RGS17: variants seen among roughly 807,000 people sequenced by gnomAD.
The protein encoded by RGS17 is regulator of G protein signaling 17.
A neutral mutation model predicts 25.5 loss-of-function variants in RGS17; 12 were observed. The ratio of observed to expected loss-of-function variants is 0.47; its 90% CI spans 0.30 to 0.76. RGS17 has a LOEUF of 0.76. RGS17 is among the 30% of genes least tolerant of loss of function. RGS17 has a pLI of 0.07. For synonymous variants in RGS17, 71 were observed against 76.9 expected (o/e 0.92, Z 0.40); for missense variants, 196 against 242.2 (o/e 0.81, Z 1.27).
intron 1 of RGS17, among the ~76,000 whole-genome samples, chr6:153,099,822 A>C (rs1361230648): frequency 1.3e-5 from 2 of 152,178 alleles, no homozygotes; most frequent in Non-Finnish European, 2.9e-5. Context: ...GGTGAAGATT[A>C]AATAAGAAAA....
chr6:153,021,462 A>AT lies in RGS17; in HGVS notation c.444+2799dup, dbSNP rs1779247442. On this transcript the variant is annotated intron_variant, in intron 4 of 4. Transcript: ENST00000206262. The stretch of plus-strand genomic sequence containing the variant: ...GGAAAGTGCATGCCATGCGCTGAGT[A>AT]TATCAATGAGTCGAGTCAATGAACA... Among the ~76,000 whole-genome samples, 3 of 152,350 alleles carry AT rather than the reference A, an allele frequency of 2.0e-5. No individual in the cohort carries two copies. The South Asian group carries it at 6.2e-4, about 32-fold the overall frequency.
chr6:153,121,913 C>A (rs1484257445), intron 1 of RGS17, among the ~76,000 whole-genome samples: 1 of 152,112 alleles, frequency 6.6e-6, no homozygotes, highest in Non-Finnish European at 1.5e-5. Flanking sequence ...TACGAAACCC[C>A]ACTTGCATTA....
At chr6:153,114,687 A>G (rs1040336005) in intron 1 of RGS17, among the ~76,000 whole-genome samples, 1 of 152,214 alleles carries the variant, frequency 6.6e-6, no homozygotes, top group Non-Finnish European at 1.5e-5. Context: ...TCAATAAGAT[A>G]CTGGCAAACT....
At chr6:153,127,015 T>C (rs1382717874) in intron 1 of RGS17, among the ~76,000 whole-genome samples, 2 of 152,044 alleles carry the variant, frequency 1.3e-5, no homozygotes, top group African/African-American at 4.8e-5. Context: ...CGGATGGCAG[T>C]GGGGGTGGGG....
intron 1 of RGS17, among the ~76,000 whole-genome samples, chr6:153,068,388 A>G (rs1218434831): frequency 6.6e-6 from 1 of 152,200 alleles, no homozygotes; most frequent in Non-Finnish European, 1.5e-5. Flanking sequence ...CAGAGGTTGG[A>G]GTGAACCGAG....
intron 1 of RGS17, among the ~76,000 whole-genome samples, chr6:153,113,392 A>G (rs960926356): frequency 6.6e-6 from 1 of 152,226 alleles, no homozygotes; most frequent in Non-Finnish European, 1.5e-5. Context: ...TATCCTAAAT[A>G]CATATGCACC....
chr6:153,024,441 T>A lies in RGS17; in HGVS notation c.265A>T (p.Met89Leu). The A allele has an allele frequency of 6.2e-7, 1 of 1,614,200 alleles. No homozygotes were observed. Among genetic ancestry groups the A allele is most frequent in the Non-Finnish European group, 8.5e-7 (1 of 1,180,014 alleles). The change falls in exon 4 of 5, where the codon ATG becomes TTG. Residue 89 changes from methionine to leucine, a missense_variant. Transcript: ENST00000206262. ...AGGTTTCTTCCTGCTGGGGCCTTCA[T>A]CATCTTGTCAAAATTTTGAGACCAG... ...LSWSQNFDKM[M>L]KAPAGRNLFR... is the part of the protein sequence containing the mutation.
intron 1 of RGS17, among the ~76,000 whole-genome samples, chr6:153,118,426 C>T (rs184546053): frequency 1.1e-4 from 16 of 152,324 alleles, no homozygotes; most frequent in African/African-American, 3.8e-4. Flanking sequence ...GGGATATACT[C>T]CTCATAGAAT....
intron 1 of RGS17, among the ~76,000 whole-genome samples, chr6:153,103,602 G>A (rs1777337747): frequency 6.6e-6 from 1 of 152,164 alleles, no homozygotes; most frequent in African/African-American, 2.4e-5. Flanking sequence ...ACCAAACTGA[G>A]GCAAACACAC....
intron 1 of RGS17, among the ~76,000 whole-genome samples, chr6:153,128,468 T>C (rs1415075705): frequency 2.0e-5 from 3 of 152,122 alleles, no homozygotes; most frequent in Non-Finnish European, 2.9e-5. Flanking sequence ...GGAAAGCCCA[T>C]GTATTTTAGC....
intron 1 of RGS17, among the ~76,000 whole-genome samples, chr6:153,111,401 T>C (rs1259327675): frequency 6.6e-6 from 1 of 152,118 alleles, no homozygotes; most frequent in Non-Finnish European, 1.5e-5. Flanking sequence ...ATTCCTCCAC[T>C]CTGGGCAGGG....
chr6:153,098,495 T>G (rs953323692), intron 1 of RGS17, among the ~76,000 whole-genome samples: 1 of 152,230 alleles, frequency 6.6e-6, no homozygotes, highest in Non-Finnish European at 1.5e-5. Context: ...GGCACTTTGC[T>G]TGTCTCCTTC....
At chr6:153,077,710 T>C (rs1056516886) in intron 1 of RGS17, among the ~76,000 whole-genome samples, 5 of 152,270 alleles carry the variant, frequency 3.3e-5, no homozygotes, top group Admixed American at 2.0e-4. Flanking sequence ...AAAATTATCA[T>C]TGACAACAAA....
chr6:153,084,601 G>A (rs1284402324), intron 1 of RGS17, among the ~76,000 whole-genome samples: 1 of 152,134 alleles, frequency 6.6e-6, no homozygotes, highest in Non-Finnish European at 1.5e-5. Context: ...GTTAAGGGAG[G>A]AAATTTTATT....
Position 153,039,434 on chromosome 6 carries a change from TCTC to T in RGS17, c.119+4463_119+4465del, listed in dbSNP as rs1258886769. Among the ~76,000 whole-genome samples, 6 of 152,214 alleles carry T rather than the reference TCTC, an allele frequency of 3.9e-5. No homozygotes were observed. The East Asian group carries it at 9.7e-4, about 25-fold the overall frequency. The stretch of plus-strand genomic sequence containing the variant: ...GCTGTGGCCAGTGATACTTCATTCT[TCTC>T]CTCTCCATAGCCGTCATCTCACCAC... On this transcript the variant is annotated intron_variant, in intron 2 of 4. Coordinates refer to ENST00000206262, the MANE Select transcript of RGS17 (RefSeq NM_012419.5).
At chr6:153,052,426 A>G (rs1285623758) in intron 1 of RGS17, among the ~76,000 whole-genome samples, 1 of 152,054 alleles carries the variant, frequency 6.6e-6, no homozygotes, top group African/African-American at 2.4e-5. Context: ...TCTATTCTAC[A>G]TCTGTCCCAC....
intron 4 of RGS17, among the ~76,000 whole-genome samples, chr6:153,014,245 C>G (rs917753606): frequency 6.6e-6 from 1 of 152,098 alleles, no homozygotes; most frequent in African/African-American, 2.4e-5. Flanking sequence ...ATAAATGGAA[C>G]AACAAAGCCT....
intron 2 of RGS17, among the ~76,000 whole-genome samples, chr6:153,028,514 A>G (rs1206830053): frequency 6.6e-6 from 1 of 152,162 alleles, no homozygotes; most frequent in Non-Finnish European, 1.5e-5. Flanking sequence ...AATAGGCCAG[A>G]TAAGTATTTT....
At chr6:153,055,483 T>C (rs1327263306) in intron 1 of RGS17, among the ~76,000 whole-genome samples, 6 of 152,098 alleles carry the variant, frequency 3.9e-5, no homozygotes, top group Non-Finnish European at 7.4e-5. Context: ...TGACTTCACA[T>C]GGTGGAGAAG....
Sources: gnomAD v4.1 joint callset for allele counts (sites outside exome capture counted in the v4.1 genomes callset) on GRCh38, gnomAD v4.1.1 for gene constraint, MANE v1.5 for transcripts, NCBI Gene and HGNC (gene_info 2026-07-23, HGNC 2026-07-21) for gene names.